ADGRB3: variants seen among roughly 807,000 people sequenced by gnomAD.
ADGRB3 encodes the protein adhesion G protein-coupled receptor B3, also known as brain-specific angiogenesis inhibitor 3.
ADGRB3 carries 37 observed loss-of-function variants against 193.4 expected under a neutral mutation model. The observed-to-expected ratio is 0.19, with a 90% CI of 0.15 to 0.25. ADGRB3 has a LOEUF of 0.25. Ranked by LOEUF, ADGRB3 falls within the 10% of genes least tolerant of loss-of-function variation. ADGRB3 has a pLI of 1.00. For missense variants in ADGRB3, 1,637 were observed against 1,852.9 expected, an observed-to-expected ratio of 0.88 and a Z score of 2.14; for synonymous variants, 690 against 644.2, an observed-to-expected ratio of 1.07 and a Z score of -1.08.
At chr6:69,179,136 ATTTTTTAAATGT>A (rs1041943291) in intron 17 of ADGRB3, among the ~76,000 whole-genome samples, 9 of 152,296 alleles carry the variant, frequency 5.9e-5, no homozygotes, top group African/African-American at 2.2e-4. Flanking sequence ...AAAGAAATTC[ATTTTTTAAATGT>A]TTTTTTAAAT....
intron 13 of ADGRB3, among the ~76,000 whole-genome samples, chr6:69,035,269 C>T (rs1479061980): frequency 6.6e-6 from 1 of 152,026 alleles, no homozygotes. Flanking sequence ...GCTATTGCCC[C>T]TTTTCTCTCT....
chr6:69,364,507 G>A (rs546438977), intron 29 of ADGRB3, among the ~76,000 whole-genome samples: 5 of 152,180 alleles, frequency 3.3e-5, no homozygotes, highest in African/African-American at 1.2e-4. Flanking sequence ...AATTCATGAA[G>A]TTTCTTGGCA....
chr6:68,777,173 G>T (rs73459210), intron 3 of ADGRB3, among the ~76,000 whole-genome samples: 1 of 152,022 alleles, frequency 6.6e-6, no homozygotes, highest in Non-Finnish European at 1.5e-5. Context: ...ATAGAACCCC[G>T]CACTGTAATA....
At chr6:69,113,862 AT>A (rs1773445743) in intron 17 of ADGRB3, among the ~76,000 whole-genome samples, 2 of 152,192 alleles carry the variant, frequency 1.3e-5, no homozygotes, top group Non-Finnish European at 2.9e-5. Context: ...ATAGATATTA[AT>A]GATGTCACCT....
intron 3 of ADGRB3, among the ~76,000 whole-genome samples, chr6:68,833,133 C>T (rs1442837803): frequency 6.6e-6 from 1 of 152,104 alleles, no homozygotes. Context: ...TAGGAAAGAT[C>T]ATATGTATAC....
rs1765159509 is a variant in ADGRB3 at position 69,190,248 on chromosome 6, G to A, written c.2481-43042G>A. 2.6e-5 allele frequency among the ~76,000 whole-genome samples: 4 copies of A among 152,114 alleles called. No individual in the cohort carries two copies. The South Asian group carries it at 8.3e-4, about 31-fold the overall frequency. On this transcript the variant is annotated intron_variant, in intron 17 of 31. Coordinates refer to ENST00000370598, the MANE Select transcript of ADGRB3 (RefSeq NM_001704.3). ...ATTGTATAGGAGATGCCAGCTGTAA[G>A]CGTGTTATTGTCCTTAAAGACCTTC...
chr6:68,756,612 C>T (rs565140399), intron 3 of ADGRB3, among the ~76,000 whole-genome samples: 3 of 152,126 alleles, frequency 2.0e-5, no homozygotes, highest in Non-Finnish European at 2.9e-5. Context: ...AAAAAAATGA[C>T]GCGGGGCATG....
At chr6:69,328,400 A>G (rs1284725147) in intron 22 of ADGRB3, among the ~76,000 whole-genome samples, 1 of 152,120 alleles carries the variant, frequency 6.6e-6, no homozygotes, top group Non-Finnish European at 1.5e-5. Context: ...TAAAAGGGAG[A>G]AAAGGTATAT....
intron 20 of ADGRB3, among the ~76,000 whole-genome samples, chr6:69,278,459 T>C (rs1767350226): frequency 6.6e-6 from 1 of 152,214 alleles, no homozygotes; most frequent in South Asian, 2.1e-4. Context: ...AGTATTCCTC[T>C]GTTATCTTGT....
At chr6:69,165,408 C>G (rs574793511) in intron 17 of ADGRB3, among the ~76,000 whole-genome samples, 2 of 151,928 alleles carry the variant, frequency 1.3e-5, no homozygotes, top group South Asian at 4.2e-4. Context: ...AGCCATCCCC[C>G]CCAACTTCAC....
chr6:69,360,479 T>G (rs975662769), intron 28 of ADGRB3, among the ~76,000 whole-genome samples: 2 of 151,892 alleles, frequency 1.3e-5, no homozygotes, highest in Admixed American at 1.3e-4. Context: ...AAAAATCAAA[T>G]TTGTATGAAT....
intron 30 of ADGRB3, among the ~76,000 whole-genome samples, chr6:69,376,137 C>G (rs369629158): frequency 1.7e-5 from 2 of 119,942 alleles, no homozygotes; most frequent in African/African-American, 6.3e-5. Flanking sequence ...GTTACTCACA[C>G]TGGAGTGCAG....
chr6:68,673,024 ATC>A (rs140274796), intron 3 of ADGRB3, among the ~76,000 whole-genome samples: 30 of 147,560 alleles, frequency 2.0e-4, no homozygotes, highest in South Asian at 8.8e-4. Context: ...CTTAAACTGA[ATC>A]TCTCTCTCTC....
At chr6:68,962,489 C>G (rs1368003351) in intron 8 of ADGRB3, among the ~76,000 whole-genome samples, 1 of 152,146 alleles carries the variant, frequency 6.6e-6, no homozygotes, top group Non-Finnish European at 1.5e-5. Flanking sequence ...TTTGATCAGA[C>G]TCTTACAGTT....
At position 68,993,818 on chromosome 6, in the gene ADGRB3, G is replaced by T; in HGVS notation, c.1785G>T (p.Met595Ile). 1 of 1,614,006 alleles carries T rather than the reference G, an allele frequency of 6.2e-7. No homozygotes were observed. Among genetic ancestry groups the T allele is most frequent in the Admixed American group, 1.7e-5 (1 of 60,026 alleles). Reference protein sequence around the residue: ...KGQRMLAGDGMSQVTKTLLDL... With the variant: ...KGQRMLAGDGISQVTKTLLDL... ...AGCGAATGCTGGCAGGTGATGGAAT[G>T]TCCCAGGTGACCAAGACACTGTTGG... The change falls in exon 11 of 32, where the codon ATG (methionine) becomes ATT (isoleucine). Residue 595 changes from methionine (M) to isoleucine (I), a missense_variant. This residue lies in a region of ADGRB3 where 641 missense variants were observed against 673.9 expected (regional missense o/e 0.95). Transcript: ENST00000370598.
intron 13 of ADGRB3, among the ~76,000 whole-genome samples, chr6:69,021,656 T>G (rs1021603384): frequency 2.0e-5 from 3 of 151,886 alleles, no homozygotes; most frequent in Admixed American, 2.0e-4. Flanking sequence ...AGGACGATAA[T>G]TTATATTTAA....
intron 3 of ADGRB3, among the ~76,000 whole-genome samples, chr6:68,706,807 A>G (rs1346339508): frequency 1.3e-5 from 2 of 152,106 alleles, no homozygotes; most frequent in African/African-American, 4.8e-5. Flanking sequence ...CTAGTCGTTT[A>G]TAATTAAGAT....
At chr6:69,013,804 G>A (rs1020259595) in intron 11 of ADGRB3, among the ~76,000 whole-genome samples, 3 of 152,002 alleles carry the variant, frequency 2.0e-5, no homozygotes, top group Non-Finnish European at 4.4e-5. Flanking sequence ...TTGAGTGAAA[G>A]TGTTTTCCCT....
chr6:68,857,065 A>T (rs943746711), intron 3 of ADGRB3, among the ~76,000 whole-genome samples: 1 of 152,218 alleles, frequency 6.6e-6, no homozygotes, highest in Non-Finnish European at 1.5e-5. Context: ...GAAGTCAACT[A>T]TTGAGGTTGG....
Sources: gnomAD v4.1 joint callset for allele counts (sites outside exome capture counted in the v4.1 genomes callset) on GRCh38, gnomAD v4.1.1 for gene constraint, gnomAD v4.1.1 regional missense constraint, MANE v1.5 for transcripts, NCBI Gene and HGNC (gene_info 2026-07-23, HGNC 2026-07-21) for gene names.